Variants in GLIS3 observed in about 807,000 individuals in gnomAD.
GLIS3 encodes GLIS family zinc finger 3, also known as zinc finger protein GLIS3.
Under a neutral mutation model 78.6 loss-of-function variants are expected in GLIS3, and 53 were observed. The ratio of observed to expected loss-of-function variants is 0.67; its 90% CI spans 0.54 to 0.85. GLIS3 has a LOEUF of 0.85. GLIS3 is among the 40% of genes least tolerant of loss of function. The pLI, the probability that GLIS3 is intolerant of heterozygous loss-of-function variation, is 0.00. For missense variants in GLIS3, 1,703 were observed against 1,231.1 expected (o/e 1.38, Z -5.74); for synonymous variants, 684 against 509.9 (o/e 1.34, Z -4.60).
chr9:3,955,508 G>C (rs1336205897), intron 4 of GLIS3, among the ~76,000 whole-genome samples: 3 of 152,074 alleles, frequency 2.0e-5, no homozygotes, highest in South Asian at 2.1e-4. Flanking sequence ...CACCACAAGA[G>C]ATATTATATA....
chr9:4,447,418 A>G, the GLIS3 span, among the ~76,000 whole-genome samples: 1 of 152,098 alleles, frequency 6.6e-6, no homozygotes, highest in African/African-American at 2.4e-5. Context: ...TCTACCAGGA[A>G]GTAGTCCCTG....
intron 8 of GLIS3, among the ~76,000 whole-genome samples, chr9:3,869,587 C>G (rs976390209): frequency 6.6e-6 from 1 of 152,220 alleles, no homozygotes; most frequent in East Asian, 1.9e-4. Flanking sequence ...ATGGGAAGAA[C>G]TTCCAGAATT....
At chr9:3,976,950 T>A (rs1410755777) in intron 4 of GLIS3, among the ~76,000 whole-genome samples, 1 of 150,994 alleles carries the variant, frequency 6.6e-6, no homozygotes, top group East Asian at 2.0e-4. Context: ...AGCAATGCCT[T>A]CCGTTCAATT....
upstream of GLIS3, among the ~76,000 whole-genome samples, chr9:4,305,015 C>A (rs1007973270): frequency 7.9e-5 from 12 of 152,110 alleles, no homozygotes; most frequent in African/African-American, 2.4e-4. Context: ...GGGACACTGC[C>A]CCAAGCTCAT....
At chr9:4,457,618 C>T in the GLIS3 span, among the ~76,000 whole-genome samples, 11 of 151,716 alleles carry the variant, frequency 7.3e-5, no homozygotes, top group Non-Finnish European at 1.3e-4. Context: ...GGGACTGAGG[C>T]GGGTGGATCA....
chr9:4,361,715 G>C, the GLIS3 span, among the ~76,000 whole-genome samples: 1 of 152,220 alleles, frequency 6.6e-6, no homozygotes, highest in African/African-American at 2.4e-5. Flanking sequence ...ATAAAGGGAA[G>C]AGTCGGCATT....
upstream of GLIS3, among the ~76,000 whole-genome samples, chr9:4,351,511 ATCTTTC>A (rs1236472962): frequency 6.6e-6 from 1 of 152,078 alleles, no homozygotes; most frequent in East Asian, 1.9e-4. Context: ...ACACAAAAAT[ATCTTTC>A]TCTAAGAGTT....
chr9:4,123,443 CA>C (rs1168179100), intron 3 of GLIS3, among the ~76,000 whole-genome samples: 1 of 151,950 alleles, frequency 6.6e-6, no homozygotes, highest in African/African-American at 2.4e-5. Flanking sequence ...CAGAATTGTG[CA>C]ACAAAAGATG....
intron 2 of GLIS3, among the ~76,000 whole-genome samples, chr9:4,342,959 T>C (rs1448764730): frequency 1.3e-5 from 2 of 152,244 alleles, no homozygotes; most frequent in Non-Finnish European, 2.9e-5. Context: ...CCTCAAACTT[T>C]GCTGAAGTTG....
At chr9:4,263,584 T>C (rs1320274772) in intron 2 of GLIS3, among the ~76,000 whole-genome samples, 1 of 152,080 alleles carries the variant, frequency 6.6e-6, no homozygotes, top group Admixed American at 6.5e-5. Flanking sequence ...TCTACAGATG[T>C]TTTAAAGTTT....
intron 2 of GLIS3, among the ~76,000 whole-genome samples, chr9:4,172,822 A>C (rs1816489362): frequency 6.6e-6 from 1 of 152,172 alleles, no homozygotes; most frequent in South Asian, 2.1e-4. Flanking sequence ...GGGTTGTCTT[A>C]ATCAGGGGCC....
At chr9:4,175,543 A>G (rs1816738135) in intron 2 of GLIS3, among the ~76,000 whole-genome samples, 1 of 152,178 alleles carries the variant, frequency 6.6e-6, no homozygotes, top group Non-Finnish European at 1.5e-5. Context: ...GAGGTTCTTA[A>G]CCGTGGTGGC....
chr9:4,329,536 G>T (rs1000562058), intron 2 of GLIS3, among the ~76,000 whole-genome samples: 15 of 152,150 alleles, frequency 9.9e-5, no homozygotes, highest in African/African-American at 3.6e-4. Context: ...CCTCACCAGA[G>T]AAGTCAATAG....
chr9:4,175,224 A>G (rs1261051272), intron 2 of GLIS3, among the ~76,000 whole-genome samples: 1 of 152,224 alleles, frequency 6.6e-6, no homozygotes, highest in African/African-American at 2.4e-5. Context: ...CTTTATTAAA[A>G]GCAAATGCAC....
chr9:4,308,463 G>C (rs944635842), intron 4 of GLIS3, among the ~76,000 whole-genome samples: 7 of 151,998 alleles, frequency 4.6e-5, no homozygotes, highest in African/African-American at 1.7e-4. Context: ...GGAGAAGGGA[G>C]AATGAAGAGA....
intron 4 of GLIS3, among the ~76,000 whole-genome samples, chr9:4,077,001 G>A (rs757630728): frequency 5.9e-5 from 9 of 152,186 alleles, no homozygotes; most frequent in African/African-American, 1.7e-4. Context: ...GGAGGTTGCC[G>A]TGAGCTGAGC....
At chr9:4,373,592 T>C in the GLIS3 span, among the ~76,000 whole-genome samples, 31 of 152,102 alleles carry the variant, frequency 2.0e-4, no homozygotes, top group African/African-American at 7.5e-4. Context: ...GTTATCCTTT[T>C]GGGAGCTAAA....
intron 4 of GLIS3, among the ~76,000 whole-genome samples, chr9:4,086,705 C>G (rs1829051144): frequency 6.6e-6 from 1 of 152,178 alleles, no homozygotes. Flanking sequence ...CTTGTCAAAA[C>G]AGTGCTGAGC....
In GLIS3 at chr9:3,959,851, T is replaced by G. The variant is rs998822336; in HGVS notation, c.1711-22662A>C. ...CCTAATCCAATATGTGTGGTCCCTTTATAGAAAGAGGAAATTTGGGCCGGG... is the reference window on the plus strand; with the variant it reads ...CCTAATCCAATATGTGTGGTCCCTTGATAGAAAGAGGAAATTTGGGCCGGG... On this transcript the variant is annotated intron_variant, in intron 4 of 10. Coordinates refer to ENST00000381971, the MANE Select transcript of GLIS3 (RefSeq NM_001042413.2). 2.0e-5 allele frequency among the ~76,000 whole-genome samples: 3 copies of G among 152,184 alleles called. No individual in the cohort carries two copies. The East Asian group carries it at 5.8e-4, about 29-fold the overall frequency.
Sources: allele counts gnomAD v4.1 joint callset (sites outside exome capture counted in the v4.1 genomes callset), GRCh38; gene constraint gnomAD v4.1.1; transcripts MANE v1.5; gene names NCBI Gene and HGNC (gene_info 2026-07-23, HGNC 2026-07-21).